The following PCGF3 variants were observed in gnomAD, a reference collection of about 807,000 sequenced individuals.
The protein encoded by PCGF3 is polycomb group RING finger protein 3.
PCGF3 carries 7 observed loss-of-function variants against 33.1 expected under a neutral mutation model. The observed-to-expected ratio is 0.21, with a 90% confidence interval of 0.12 to 0.40. The LOEUF (loss-of-function observed/expected upper bound fraction) is 0.40, where lower values mean the gene tolerates loss of function less well. Ranked by LOEUF, PCGF3 falls within the 10% of genes least tolerant of loss-of-function variation. The pLI, the probability that PCGF3 is intolerant of heterozygous loss-of-function variation, is 1.00. For missense variants in PCGF3, 211 were observed against 313.3 expected, an observed-to-expected ratio of 0.67 and a Z score of 2.46; for synonymous variants, 153 against 121.3, an observed-to-expected ratio of 1.26 and a Z score of -1.72.
At chr4:728,712 T>C (rs1743429465) in intron 1 of PCGF3, among the ~76,000 whole-genome samples, 3 of 152,212 alleles carry the variant, frequency 2.0e-5, no homozygotes, top group Non-Finnish European at 4.4e-5. Flanking sequence ...GTGTTTTCAC[T>C]GAAGTCTGAG....
At chr4:716,462 G>A (rs1742850462) in intron 1 of PCGF3, among the ~76,000 whole-genome samples, 1 of 130,908 alleles carries the variant, frequency 7.6e-6, no homozygotes, top group Admixed American at 7.6e-5. Context: ...TGTGGACACT[G>A]CGAGTGTGAG....
chr4:764,301 T>C (rs1215846580), intron 9 of PCGF3, among the ~76,000 whole-genome samples: 1 of 152,208 alleles, frequency 6.6e-6, no homozygotes, highest in Admixed American at 6.5e-5. Flanking sequence ...AGTCTAATTT[T>C]TTTAAAAGAC....
At chr4:756,032 C>A (rs1333689383) in intron 8 of PCGF3, among the ~76,000 whole-genome samples, 1 of 149,076 alleles carries the variant, frequency 6.7e-6, no homozygotes, top group Non-Finnish European at 1.5e-5. Context: ...TCTGTCTCAG[C>A]CTTACAGAGT....
In PCGF3 at chr4:755,052, C is replaced by G. The variant is rs150949538; in HGVS notation, c.463-6227C>G. 4.8e-4 allele frequency among the ~76,000 whole-genome samples: 73 copies of G among 152,358 alleles called. No homozygotes were observed. The East Asian group carries it at 0.01, about 22-fold the overall frequency. ...GCGACAGGTCTTTCTGCAGTGCCCT[C>G]TTTACAATCAGAGTTGCATTTCGAG... is the stretch of plus-strand genomic sequence containing the variant. On this transcript the variant is annotated intron_variant, in intron 8 of 10. Coordinates refer to ENST00000362003, the Ensembl canonical transcript of PCGF3.
chr4:761,041 T>C (rs1745027264), intron 8 of PCGF3, among the ~76,000 whole-genome samples: 2 of 152,210 alleles, frequency 1.3e-5, no homozygotes, highest in African/African-American at 2.4e-5. Flanking sequence ...ATTATGTTAA[T>C]AACACAGAAT....
chr4:730,811 G>C, intron 2 of PCGF3, 143 bp downstream of exon 2: 1 of 388,884 alleles, frequency 2.6e-6, no homozygotes, highest in Non-Finnish European at 4.5e-6. Context: ...GGAGCCATGC[G>C]TGGGTCCTTA....
At chr4:723,117 CGT>C (rs1743184335) in intron 1 of PCGF3, among the ~76,000 whole-genome samples, 2 of 149,406 alleles carry the variant, frequency 1.3e-5, no homozygotes, top group African/African-American at 4.9e-5. Context: ...GCGTCATCGC[CGT>C]CCGTGCCGGG....
chr4:764,771 A>G, intron 9 of PCGF3: 1 of 532,020 alleles, frequency 1.9e-6, no homozygotes, highest in Non-Finnish European at 3.4e-6. Context: ...GTTGCACTGG[A>G]TTTCCGTTCA....
intron 3 of PCGF3, among the ~76,000 whole-genome samples, chr4:733,146 C>G (rs1183646053): frequency 2.0e-5 from 3 of 151,618 alleles, no homozygotes; most frequent in African/African-American, 4.8e-5. Flanking sequence ...CAGGAGACAC[C>G]GTGGAAGCCG....
chr4:737,749 G>A (rs1743898489), intron 6 of PCGF3, among the ~76,000 whole-genome samples: 1 of 152,180 alleles, frequency 6.6e-6, no homozygotes, highest in South Asian at 2.1e-4. Context: ...CAGCAAGTAT[G>A]GATCGCATGT....
chr4:709,059 G>A (rs184300855), intron 1 of PCGF3, among the ~76,000 whole-genome samples: 111 of 152,282 alleles, frequency 7.3e-4, no homozygotes, highest in African/African-American at 2.6e-3. Flanking sequence ...AGAAGCGAGC[G>A]GTCTATGCTG....
intron 3 of PCGF3, among the ~76,000 whole-genome samples, chr4:732,865 C>T (rs938691430): frequency 6.6e-6 from 1 of 152,254 alleles, no homozygotes. Flanking sequence ...CGGCCCTGCT[C>T]TCTTGCCTCA....
At chr4:761,787 G>A in intron 9 of PCGF3, 1 of 985,456 alleles carries the variant, frequency 1.0e-6, no homozygotes, top group Non-Finnish European at 1.2e-6. Flanking sequence ...TGTGTAAGGA[G>A]ACGAAGGAGT....
Position 740,739 on chromosome 4 carries a change from T to C in PCGF3, c.263-2735T>C, listed in dbSNP as rs373862240. Among the ~76,000 whole-genome samples the C allele has an allele frequency of 5.3e-5, 8 of 152,236 alleles. No individual in the cohort carries two copies. In the East Asian group the frequency reaches 7.7e-4, roughly 15 times the overall value. On this transcript the variant is annotated intron_variant, in intron 6 of 10. Transcript: ENST00000362003. Reference sequence around the variant, plus strand: ...AAATCAAAAGCAGCGTATTTTATGATGTGATAATTTAAGAATTGAAATTTC... The same window carrying C: ...AAATCAAAAGCAGCGTATTTTATGACGTGATAATTTAAGAATTGAAATTTC...
chr4:742,145 G>T (rs1410625203), intron 6 of PCGF3, among the ~76,000 whole-genome samples: 1 of 150,080 alleles, frequency 6.7e-6, no homozygotes, highest in Non-Finnish European at 1.5e-5. Flanking sequence ...GGCTCTCGGG[G>T]TCCCCTCCTC....
intron 6 of PCGF3, among the ~76,000 whole-genome samples, chr4:740,394 G>A (rs1196132929): frequency 6.6e-6 from 1 of 152,196 alleles, no homozygotes; most frequent in Non-Finnish European, 1.5e-5. Flanking sequence ...TTAGAAACCT[G>A]TCTTCGTAGA....
chr4:720,367 C>T lies in PCGF3; in HGVS notation c.-189-10263C>T, dbSNP rs150039889. Among the ~76,000 whole-genome samples the T allele has an allele frequency of 8.6e-4, 131 of 152,166 alleles. No individual in the cohort carries two copies. Among genetic ancestry groups the T allele is most frequent in the Non-Finnish European group, 1.5e-3 (100 of 67,970 alleles). ...TGCATCGCTGTGGAGGGTGACTGTG[C>T]AGGAGGACAGAGTGCCACAAGGGAG... On this transcript the variant is annotated intron_variant, in intron 1 of 10. Transcript: ENST00000362003. This position sits in a 1 kb window ranked among gnomAD's most constrained non-coding sequence, Gnocchi z 5.6.
chr4:740,117 T>G (rs1744022276), intron 6 of PCGF3, among the ~76,000 whole-genome samples: 1 of 152,260 alleles, frequency 6.6e-6, no homozygotes, highest in Non-Finnish European at 1.5e-5. Flanking sequence ...ACCTCATTTC[T>G]CCGACCAGAG....
At chr4:706,364 C>CTGGG (rs1206641517) in intron 1 of PCGF3, among the ~76,000 whole-genome samples, 43 of 127,328 alleles carry the variant, frequency 3.4e-4, no homozygotes, top group East Asian at 7.7e-4. Context: ...GCAGGGAGGG[C>CTGGG]AAGACCCCAG....
Sources: gnomAD v4.1 joint callset for allele counts (sites outside exome capture counted in the v4.1 genomes callset) on GRCh38, gnomAD v4.1.1 for gene constraint, Gnocchi (gnomAD v3.1) non-coding constraint, MANE v1.5 for transcripts, NCBI Gene and HGNC (gene_info 2026-07-23, HGNC 2026-07-21) for gene names.